The following ZNF491 variants were observed in gnomAD, a reference collection of about 807,000 sequenced individuals.
ZNF491 encodes zinc finger protein 491.
Under a neutral mutation model 34.7 loss-of-function variants are expected in ZNF491, and 22 were observed. The ratio of observed to expected loss-of-function variants is 0.63; its 90% CI spans 0.45 to 0.90. The LOEUF is 0.90. Ranked by LOEUF, ZNF491 falls within the 40% of genes least tolerant of loss-of-function variation. The probability of loss-of-function intolerance (pLI) is 0.00; values close to 1 mark genes in which losing one functional copy is unlikely to be tolerated. For missense variants in ZNF491, 559 were observed against 531.7 expected (o/e 1.05, Z -0.51); for synonymous variants, 148 against 174.3 (o/e 0.85, Z 1.19).
chr19:11,801,325 G>T (rs937259380), intron 1 of ZNF491, among the ~76,000 whole-genome samples: 10 of 152,184 alleles, frequency 6.6e-5, no homozygotes, highest in East Asian at 1.9e-4. Context: ...TCATGTGTTT[G>T]TTGGCCATTT....
At position 11,806,822 on chromosome 19, in the gene ZNF491, A is replaced by C. The variant is rs61740051; in HGVS notation, c.869A>C (p.Glu290Ala). ...FYSPSSFQRH[E>A]RSHTGEKPYK... ...TCTCCCAGTTCATTTCAAAGGCATGAAAGAAGTCACACTGGAGAGAAACCC... is the reference window on the plus strand; with the variant it reads ...TCTCCCAGTTCATTTCAAAGGCATGCAAGAAGTCACACTGGAGAGAAACCC... The change falls in exon 3 of 3, where the codon GAA (glutamate) becomes GCA (alanine). Residue 290 changes from glutamate to alanine, a missense_variant. Physicochemically the swap from Glu to Ala is moderately radical, Grantham distance 107. Coordinates refer to ENST00000323169, the MANE Select transcript of ZNF491 (RefSeq NM_152356.4). 4.6e-4 allele frequency: 736 copies of C among 1,609,122 alleles called. 1 individual carries two copies. In the African/African-American group the frequency reaches 9.1e-3, roughly 20 times the overall value.
chr19:11,807,106 T>C lies in ZNF491; in HGVS notation c.1153T>C (p.Cys385Arg). The C allele has an allele frequency of 6.2e-7, 1 of 1,611,598 alleles. No homozygotes were observed. The highest frequency in any genetic ancestry group is 8.5e-7 in the Non-Finnish European group (1 of 1,179,228). The change falls in exon 3 of 3, where the codon TGT becomes CGT. Residue 385 changes from cysteine (C) to arginine (R), a missense_variant. Transcript: ENST00000323169. The stretch of plus-strand genomic sequence containing the variant: ...TCACGCTGGAGAAAAACCTTATGAA[T>C]GTAAGCATTGTGGGAAAGCCTTCAC... ...RTHAGEKPYE[C>R]KHCGKAFTCS...
At chr19:11,802,272 T>C (rs139185576) in intron 1 of ZNF491, among the ~76,000 whole-genome samples, 131 of 152,374 alleles carry the variant, frequency 8.6e-4, no homozygotes, top group African/African-American at 3.1e-3. Context: ...TAAGCCATTT[T>C]ACAATCCCTT....
chr19:11,805,110 A>G (rs1161790365), intron 2 of ZNF491, among the ~76,000 whole-genome samples: 8 of 152,226 alleles, frequency 5.3e-5, no homozygotes, highest in Non-Finnish European at 1.2e-4. Context: ...TTACTTGGAA[A>G]TAGTATTAAG....
chr19:11,808,381 C>CAA lies in ZNF491; in HGVS notation c.*1128_*1129dup, dbSNP rs768757224. Among the ~76,000 whole-genome samples the CAA allele has an allele frequency of 5.9e-5, 6 of 101,352 alleles. No homozygotes were observed. The highest frequency in any genetic ancestry group is 8.3e-5 in the Non-Finnish European group (4 of 48,140). The allele number at this position is 101,352 out of a possible 152,430, so 66.5% of individuals were successfully genotyped here. A position where few individuals can be genotyped will look rare whatever the true frequency, so the allele number is the denominator to read the frequency against. On this transcript the variant is annotated 3_prime_UTR_variant, in exon 3 of 3. Coordinates refer to ENST00000323169, the MANE Select transcript of ZNF491 (RefSeq NM_152356.4). The stretch of plus-strand genomic sequence containing the variant: ...TGGACAAGAGAGCAATACTCTGTCT[C>CAA]AAAAAAAAAAAAAAAGGTTTATTCA...
At position 11,806,309 on chromosome 19, in the gene ZNF491, G is replaced by A. The variant is rs144399257; in HGVS notation, c.356G>A (p.Arg119Gln). The change falls in exon 3 of 3, where the codon CGA (arginine) becomes CAA (glutamine). Residue 119 changes from arginine to glutamine, a missense_variant. By Grantham distance (43) the Arg-to-Gln change is conservative. Coordinates refer to ENST00000323169, the MANE Select transcript of ZNF491 (RefSeq NM_152356.4). ...EKSFISPASI[R>Q]RYMVTHSGDG... ...TCTTTCATTTCTCCTGCAAGCATTC[G>A]AAGATATATGGTAACGCACAGTGGA... is the stretch of plus-strand genomic sequence containing the variant. 305 of 1,605,244 alleles carry A rather than the reference G, an allele frequency of 1.9e-4. No homozygotes were observed. In the African/African-American group the frequency reaches 2.7e-3, roughly 14 times the overall value.
chr19:11,804,664 A>G lies in ZNF491; in HGVS notation c.-11A>G. ...GGAAACCTTCACGAACCTCATCTGT[A>G]TAGGTAGGGGTGACAATATTACCTC... On this transcript the variant is annotated 5_prime_UTR_variant, in exon 2 of 3. Coordinates refer to ENST00000323169, the MANE Select transcript of ZNF491 (RefSeq NM_152356.4). 7.4e-7 allele frequency: 1 copy of G among 1,357,724 alleles called. No individual in the cohort carries two copies. Among genetic ancestry groups the G allele is most frequent in the Non-Finnish European group, 9.7e-7 (1 of 1,033,172 alleles). 84.1% of individuals were successfully genotyped at this position (1,357,724 alleles called of 1,614,324 possible).
At chr19:11,801,838 G>A (rs1975562259) in intron 1 of ZNF491, among the ~76,000 whole-genome samples, 1 of 152,082 alleles carries the variant, frequency 6.6e-6, no homozygotes, top group South Asian at 2.1e-4. Context: ...TTTCATGCCT[G>A]TTGTAGTATG....
Position 11,806,162 on chromosome 19 carries a change from T to G in ZNF491, c.209T>G (p.Phe70Cys), listed in dbSNP as rs910099462. 7 of 1,613,814 alleles carry G rather than the reference T, an allele frequency of 4.3e-6. No individual in the cohort carries two copies. Among genetic ancestry groups the G allele is most frequent in the Non-Finnish European group, 5.9e-6 (7 of 1,180,016 alleles). The change falls in exon 3 of 3, where the codon TTT becomes TGT. Residue 70 changes from phenylalanine (F) to cysteine (C), a missense_variant. Transcript: ENST00000323169. ...TGHQPHKCQK[F>C]LEKPYKHKQR... ...CACCAACCACATAAGTGTCAGAAATTTTTAGAGAAGCCATATAAACATAAA... is the reference window on the plus strand; with the variant it reads ...CACCAACCACATAAGTGTCAGAAATGTTTAGAGAAGCCATATAAACATAAA...
chr19:11,808,203 G>A lies in ZNF491; in HGVS notation c.*936G>A, dbSNP rs1391847575. 6 of 158,272 alleles carry A rather than the reference G, an allele frequency of 3.8e-5. 1 individual carries two copies. In the East Asian group the frequency reaches 1.2e-3, roughly 31 times the overall value. 9.8% of individuals were successfully genotyped at this position (158,272 alleles called of 1,614,324 possible). On this transcript the variant is annotated 3_prime_UTR_variant, in exon 3 of 3. Coordinates refer to ENST00000323169, the MANE Select transcript of ZNF491 (RefSeq NM_152356.4). ...TTGAGACTAGCCTGGCCAACACAGT[G>A]AAACCCCATCTCTACTAAAAGTACC...
At chr19:11,803,112 AG>A (rs1259868094) in intron 1 of ZNF491, among the ~76,000 whole-genome samples, 1 of 151,280 alleles carries the variant, frequency 6.6e-6, no homozygotes, top group Admixed American at 6.6e-5. Flanking sequence ...CTCCCTGAGT[AG>A]CTGGGATTAC....
At chr19:11,800,777 C>T (rs909327634) in intron 1 of ZNF491, among the ~76,000 whole-genome samples, 67 of 152,112 alleles carry the variant, frequency 4.4e-4, no homozygotes, top group African/African-American at 1.6e-3. Flanking sequence ...AATCCCAGCA[C>T]TTTCAGAGGC....
chr19:11,803,596 A>G (rs1312101382), intron 1 of ZNF491, among the ~76,000 whole-genome samples: 1 of 152,038 alleles, frequency 6.6e-6, no homozygotes, highest in Non-Finnish European at 1.5e-5. Context: ...AATCACTTTG[A>G]CAGTTTTAAG....
In ZNF491 at chr19:11,806,681, A is replaced by G. The variant is rs200242552; in HGVS notation, c.728A>G (p.Tyr243Cys). Residue 243 changes from tyrosine to cysteine, a missense_variant, in exon 3 of 3, where the codon TAT becomes TGT. Coordinates refer to ENST00000323169, the MANE Select transcript of ZNF491 (RefSeq NM_152356.4). The stretch of plus-strand genomic sequence containing the variant: ...AGGACTCACACAGGAGAAAAACCCT[A>G]TGAATGTAAACTATATGGGAAAGCA... ...HERTHTGEKPYECKLYGKALS... is the reference protein window; with the variant it reads ...HERTHTGEKPCECKLYGKALS... The G allele has an allele frequency of 4.2e-4, 672 of 1,613,470 alleles. 5 individuals carry two copies. Among genetic ancestry groups the G allele is most frequent in the South Asian group, 3.1e-3 (279 of 90,996 alleles).
chr19:11,804,786 G>A, intron 2 of ZNF491, 119 bp downstream of exon 2: 1 of 363,046 alleles, frequency 2.8e-6, no homozygotes. Context: ...AATCAGGCAT[G>A]GCTGCAGTGT....
Position 11,807,066 on chromosome 19 carries a change from T to C in ZNF491, c.1113T>C (p.His371=), listed in dbSNP as rs1975625626. Residue 371 remains histidine (H), a synonymous_variant, in exon 3 of 3, where the codon CAT becomes CAC. Transcript: ENST00000323169. ...GKAFHCVSSF[H]RHERTHAGEK... is the part of the protein sequence containing the mutation. ...CATTTCATTGTGTCAGCTCCTTTCA[T>C]AGACATGAAAGGACTCACGCTGGAG... 1.9e-6 allele frequency: 3 copies of C among 1,606,882 alleles called. No homozygotes were observed. The highest frequency in any genetic ancestry group is 1.7e-6 in the Non-Finnish European group (2 of 1,177,720).
Position 11,805,949 on chromosome 19 carries a change from AT to A in ZNF491, c.-1del. ...TATGTGCTTGGCATTTTTCACAGAA[AT>A]TTTATGGGAGAGAGACTCTTTGAGA... On this transcript the variant is annotated 5_prime_UTR_variant, in exon 3 of 3. Coordinates refer to ENST00000323169, the MANE Select transcript of ZNF491 (RefSeq NM_152356.4). 6.5e-7 allele frequency: 1 copy of A among 1,549,330 alleles called. No individual in the cohort carries two copies. The highest frequency in any genetic ancestry group is 1.3e-5 in the South Asian group (1 of 79,276).
chr19:11,801,891 A>G (rs431393), intron 1 of ZNF491, among the ~76,000 whole-genome samples: 78,279 of 151,998 alleles, frequency 0.52, 22,530 homozygotes, highest in African/African-American at 0.8. Flanking sequence ...ATCCTGTTGT[A>G]TATATATATA....
At chr19:11,804,242 T>A (rs1975586099) in intron 1 of ZNF491, among the ~76,000 whole-genome samples, 1 of 148,356 alleles carries the variant, frequency 6.7e-6, no homozygotes, top group South Asian at 2.1e-4. Context: ...ATCAAGGCAC[T>A]GGCAGGTACC....
Sources: allele counts gnomAD v4.1 joint callset (sites outside exome capture counted in the v4.1 genomes callset), GRCh38; gene constraint gnomAD v4.1.1; transcripts MANE v1.5; gene names NCBI Gene and HGNC (gene_info 2026-07-23, HGNC 2026-07-21).